The following ADAMTSL1 variants were observed in gnomAD, a reference collection of about 807,000 sequenced individuals.
ADAMTSL1 encodes ADAMTS-like protein 1.
In ADAMTSL1, 126 loss-of-function variants were observed where a neutral mutation model predicts 201.8. That is an observed-to-expected ratio of 0.62 (90% CI 0.54 to 0.72). The LOEUF (loss-of-function observed/expected upper bound fraction) is 0.72, where lower values mean the gene tolerates loss of function less well. ADAMTSL1 is among the 30% of genes least tolerant of loss of function. The probability of loss-of-function intolerance (pLI) is 0.00; values close to 1 mark genes in which losing one functional copy is unlikely to be tolerated. For synonymous variants in ADAMTSL1, 1,121 were observed against 903.4 expected (o/e 1.24, Z -4.32); for missense variants, 2,679 against 2,277.8 (o/e 1.18, Z -3.59).
chr9:18,884,858 T>C (rs543465143), intron 23 of ADAMTSL1, among the ~76,000 whole-genome samples: 1 of 152,306 alleles, frequency 6.6e-6, no homozygotes, highest in Admixed American at 6.5e-5. Context: ...TTTTCAAGGT[T>C]GTTTAGTTAT....
At chr9:18,295,127 T>C (rs76332149) in intron 2 of ADAMTSL1, among the ~76,000 whole-genome samples, 18,007 of 152,100 alleles carry the variant, frequency 0.12, 1,164 homozygotes, top group Middle Eastern at 0.19. Context: ...TATGCTGCAC[T>C]ATATAACATG....
At chr9:18,209,134 A>G (rs1829767813) in intron 2 of ADAMTSL1, among the ~76,000 whole-genome samples, 1 of 152,158 alleles carries the variant, frequency 6.6e-6, no homozygotes, top group African/African-American at 2.4e-5. Flanking sequence ...TGCATTGTAT[A>G]AATTTGCAAG....
chr9:18,785,382 C>G (rs1424148966), intron 19 of ADAMTSL1, among the ~76,000 whole-genome samples: 1 of 152,180 alleles, frequency 6.6e-6, no homozygotes, highest in Non-Finnish European at 1.5e-5. Flanking sequence ...TTTGGCATAA[C>G]TGCTTTAAAG....
intron 16 of ADAMTSL1, among the ~76,000 whole-genome samples, chr9:18,757,678 C>A (rs1486967206): frequency 6.6e-6 from 1 of 152,174 alleles, no homozygotes; most frequent in African/African-American, 2.4e-5. Context: ...TATCCTTCTA[C>A]ACTGAAGCCA....
intron 2 of ADAMTSL1, among the ~76,000 whole-genome samples, chr9:18,428,110 AG>A (rs1251329301): frequency 2.0e-5 from 3 of 152,202 alleles, no homozygotes; most frequent in Admixed American, 6.5e-5. Context: ...AGCATGGTAA[AG>A]CAATTTTGGA....
At chr9:17,916,024 A>C (rs1226481821) in intron 1 of ADAMTSL1, among the ~76,000 whole-genome samples, 1 of 152,142 alleles carries the variant, frequency 6.6e-6, no homozygotes, top group Non-Finnish European at 1.5e-5. Flanking sequence ...TGTTCAAACA[A>C]TTCTCATGCT....
At chr9:18,039,892 C>T (rs895808326) in intron 1 of ADAMTSL1, among the ~76,000 whole-genome samples, 5 of 152,066 alleles carry the variant, frequency 3.3e-5, no homozygotes, top group African/African-American at 7.2e-5. Context: ...TTTCTGAATC[C>T]GATTTGTCTG....
At chr9:18,823,846 G>C (rs894697307) in intron 21 of ADAMTSL1, among the ~76,000 whole-genome samples, 2 of 152,144 alleles carry the variant, frequency 1.3e-5, no homozygotes, top group African/African-American at 4.8e-5. Context: ...ACAATTAGCT[G>C]GGCGTGGTGG....
chr9:18,875,022 A>G (rs141441347), intron 23 of ADAMTSL1, among the ~76,000 whole-genome samples: 196 of 152,180 alleles, frequency 1.3e-3, no homozygotes, highest in African/African-American at 4.6e-3. Context: ...GAATTTATCC[A>G]TCACCTCTAG....
intron 1 of ADAMTSL1, among the ~76,000 whole-genome samples, chr9:18,504,481 T>A (rs958991209): frequency 3.7e-4 from 56 of 152,204 alleles, no homozygotes; most frequent in Non-Finnish European, 7.9e-4. Context: ...TTCTTTCCTT[T>A]CACTAAGAGA....
chr9:18,198,572 C>T (rs1333007289), intron 2 of ADAMTSL1, among the ~76,000 whole-genome samples: 1 of 145,356 alleles, frequency 6.9e-6, no homozygotes, highest in South Asian at 2.3e-4. Context: ...CCATCTCACA[C>T]CAGTTAGAAT....
chr9:18,666,107 T>A (rs1462615246), intron 9 of ADAMTSL1, among the ~76,000 whole-genome samples: 1 of 152,188 alleles, frequency 6.6e-6, no homozygotes, highest in East Asian at 1.9e-4. Flanking sequence ...CTCGACATTG[T>A]GCTGAGGTAG....
chr9:18,691,503 C>T (rs1831212005), intron 13 of ADAMTSL1, among the ~76,000 whole-genome samples: 1 of 152,090 alleles, frequency 6.6e-6, no homozygotes, highest in South Asian at 2.1e-4. Flanking sequence ...TAAAAACAGG[C>T]TATAGAAACT....
chr9:18,052,995 A>G (rs1822004045), intron 1 of ADAMTSL1, among the ~76,000 whole-genome samples: 1 of 152,144 alleles, frequency 6.6e-6, no homozygotes, highest in African/African-American at 2.4e-5. Context: ...TGTTTCCTCA[A>G]TCTTTAAAGT....
At chr9:18,088,672 A>G (rs1014696894) in intron 1 of ADAMTSL1, among the ~76,000 whole-genome samples, 1 of 152,206 alleles carries the variant, frequency 6.6e-6, no homozygotes, top group African/African-American at 2.4e-5. Flanking sequence ...GAACACTACA[A>G]TCCACAATGA....
intron 2 of ADAMTSL1, among the ~76,000 whole-genome samples, chr9:18,337,914 G>C (rs1285006569): frequency 6.6e-6 from 1 of 152,030 alleles, no homozygotes; most frequent in Non-Finnish European, 1.5e-5. Context: ...GGGAATTCTG[G>C]GCTCCACCTG....
intron 2 of ADAMTSL1, among the ~76,000 whole-genome samples, chr9:18,315,695 C>T (rs956104463): frequency 6.6e-6 from 1 of 152,118 alleles, no homozygotes; most frequent in Admixed American, 6.5e-5. Context: ...AGCCCCAGTT[C>T]CCGCCCGCGC....
intron 1 of ADAMTSL1, among the ~76,000 whole-genome samples, chr9:18,099,355 A>ATTTTTTTTT (rs397893715): frequency 4.4e-5 from 2 of 45,562 alleles, no homozygotes; most frequent in African/African-American, 8.1e-5. Context: ...ATATATATAT[A>ATTTTTTTTT]TTTTTTTTTT....
chr9:18,418,374 T>A lies in ADAMTSL1; in HGVS notation c.208-86455T>A, dbSNP rs1446516407. Among the ~76,000 whole-genome samples the A allele has an allele frequency of 2.0e-5, 3 of 151,944 alleles. No homozygotes were observed. In the East Asian group the frequency reaches 5.8e-4, roughly 29 times the overall value. ...TGGGAGTCCTAGCCAATGCAGTAAGTAAGAAAAAGAAATGAAAATTATACA... is the reference window on the plus strand; with the variant it reads ...TGGGAGTCCTAGCCAATGCAGTAAGAAAGAAAAAGAAATGAAAATTATACA... On this transcript the variant is annotated intron_variant, in intron 2 of 29. Transcript: ENST00000680146.
Sources: gnomAD v4.1 joint callset for allele counts (sites outside exome capture counted in the v4.1 genomes callset) on GRCh38, gnomAD v4.1.1 for gene constraint, MANE v1.5 for transcripts, NCBI Gene and HGNC (gene_info 2026-07-23, HGNC 2026-07-21) for gene names.